ACTR8: variants seen among roughly 807,000 people sequenced by gnomAD.
ACTR8 encodes actin related protein 8.
In ACTR8, 70 loss-of-function variants were observed where a neutral mutation model predicts 84.3. The observed-to-expected ratio is 0.83, with a 90% CI of 0.68 to 1.01. The LOEUF (loss-of-function observed/expected upper bound fraction) is 1.01, where lower values mean the gene tolerates loss of function less well. Among genes scored for constraint, ACTR8 ranks in the 50% least tolerant of loss-of-function variants. The pLI, the probability that ACTR8 is intolerant of heterozygous loss-of-function variation, is 0.00. For synonymous variants in ACTR8, 268 were observed against 275.2 expected, an observed-to-expected ratio of 0.97 and a Z score of 0.26; for missense variants, 672 against 775.4, an observed-to-expected ratio of 0.87 and a Z score of 1.58.
chr3:53,876,230 G>A lies in ACTR8; in HGVS notation c.779-150C>T, dbSNP rs1699965950. 3 of 1,052,884 alleles carry A rather than the reference G, an allele frequency of 2.8e-6. No homozygotes were observed. The African/African-American group carries it at 4.9e-5, about 17-fold the overall frequency. 65.2% of individuals were successfully genotyped at this position (1,052,884 alleles called of 1,614,324 possible). A position where few individuals can be genotyped will look rare whatever the true frequency, so the allele number is the denominator to read the frequency against. On this transcript the variant is annotated intron_variant, in intron 6 of 12. Coordinates refer to ENST00000335754, the MANE Select transcript of ACTR8 (RefSeq NM_022899.5). ...CCTTTCAGAATAAGCATTTAAATAAGTCAGTAGGCCCGGCGCGGTGGCTCA... is the reference window on the plus strand; with the variant it reads ...CCTTTCAGAATAAGCATTTAAATAAATCAGTAGGCCCGGCGCGGTGGCTCA...
At chr3:53,865,571 C>T, downstream of ACTR8, 3 of 418,046 alleles carry the variant, frequency 7.2e-6, no homozygotes, top group Non-Finnish European at 1.3e-5. Context: ...TTTGATAATG[C>T]AACAATAAAG....
intron 12 of ACTR8, among the ~76,000 whole-genome samples, chr3:53,869,161 G>C (rs1699845562): frequency 6.6e-6 from 1 of 152,178 alleles, no homozygotes; most frequent in South Asian, 2.1e-4. Flanking sequence ...GGCACCTGTA[G>C]TCCCAGCTAC....
intron 10 of ACTR8, among the ~76,000 whole-genome samples, chr3:53,871,869 CTA>C (rs1229925052): frequency 6.6e-6 from 1 of 152,220 alleles, no homozygotes; most frequent in Non-Finnish European, 1.5e-5. Context: ...CTTTCAGATC[CTA>C]TGAGTCCACC....
At chr3:53,860,143 G>A in the ACTR8 span, 16 of 1,613,568 alleles carry the variant, frequency 9.9e-6, no homozygotes, top group Middle Eastern at 1.7e-4. Flanking sequence ...AAAGCAAGCC[G>A]GGAGGCTGGC....
rs573378558 is a variant in ACTR8, at chr3:53,876,777, C to T, written c.685-64G>A. On this transcript the variant is annotated intron_variant, in intron 5 of 12. Coordinates refer to ENST00000335754, the MANE Select transcript of ACTR8 (RefSeq NM_022899.5). Reference sequence around the variant, plus strand: ...GTCTAGTCAGGTCAAATTCACACTCCTTTTTAGAGAGACTTCCCTCCAAAG... The same window carrying T: ...GTCTAGTCAGGTCAAATTCACACTCTTTTTTAGAGAGACTTCCCTCCAAAG... The T allele has an allele frequency of 3.3e-5, 27 of 820,616 alleles. No individual in the cohort carries two copies. The African/African-American group carries it at 4.3e-4, about 13-fold the overall frequency. 50.8% of individuals were successfully genotyped at this position (820,616 alleles called of 1,614,324 possible).
At chr3:53,860,192 G>C in the ACTR8 span, 2 of 1,613,922 alleles carry the variant, frequency 1.2e-6, no homozygotes, top group Non-Finnish European at 1.7e-6. Context: ...GGCCACATGG[G>C]TGCTGGTGGC....
At chr3:53,874,143 G>A in intron 8 of ACTR8, 68 bp downstream of exon 8, 6 of 1,512,914 alleles carry the variant, frequency 4.0e-6, no homozygotes, top group Non-Finnish European at 5.3e-6. Flanking sequence ...ACATTTTTAA[G>A]TATCTTTTAA....
chr3:53,878,356 C>A lies in ACTR8; in HGVS notation c.405+1G>T. 6.3e-7 allele frequency: 1 copy of A among 1,596,698 alleles called. No individual in the cohort carries two copies. The highest frequency in any genetic ancestry group is 1.1e-5 in the South Asian group (1 of 90,262). ...GAATAAATCTGAAGAGTTAATCGAACCTGTTCAGGGGACACAGGAATGCGT... is the reference window on the plus strand; with the variant it reads ...GAATAAATCTGAAGAGTTAATCGAAACTGTTCAGGGGACACAGGAATGCGT... On this transcript the variant is annotated splice_donor_variant, in intron 3 of 12. Transcript: ENST00000335754. LOFTEE classifies it high-confidence loss of function.
chr3:53,878,391 T>C lies in ACTR8; in HGVS notation c.371A>G (p.Asn124Ser), dbSNP rs143290220. 6.9e-5 allele frequency: 111 copies of C among 1,613,356 alleles called. No individual in the cohort carries two copies. Among genetic ancestry groups the C allele is most frequent in the East Asian group, 3.1e-4 (14 of 44,882 alleles). The change falls in exon 3 of 13, where the codon AAT becomes AGT. Residue 124 changes from asparagine (N) to serine (S), a missense_variant. Transcript: ENST00000335754. ...DQAIWSKKMS[N>S]GTRRIPVSPE... ...GGACACAGGAATGCGTCTTGTACCATTGGACATCTTTTTAGACCATATTGC... is the reference window on the plus strand; with the variant it reads ...GGACACAGGAATGCGTCTTGTACCACTGGACATCTTTTTAGACCATATTGC...
chr3:53,877,620 T>C (rs1489671459), intron 4 of ACTR8, 27 bp downstream of exon 4: 1 of 1,595,364 alleles, frequency 6.3e-7, no homozygotes, highest in Admixed American at 1.7e-5. Context: ...TCCCCTTCTT[T>C]CATTCTATTG....
At chr3:53,876,749 C>G (rs747869417) in intron 5 of ACTR8, 36 bp from the exon 6 acceptor site, 5 of 1,161,450 alleles carry the variant, frequency 4.3e-6, no homozygotes, top group Non-Finnish European at 6.2e-6. Flanking sequence ...GGTTAGCACT[C>G]AAGTCTAGTC....
At chr3:53,871,577 A>G in intron 10 of ACTR8, 81 bp from the exon 11 acceptor site, 1 of 1,498,180 alleles carries the variant, frequency 6.7e-7, no homozygotes. Flanking sequence ...ATCCCTCCCT[A>G]CCCTACTACT....
chr3:53,862,833 AT>A (rs1699613576), downstream of ACTR8, among the ~76,000 whole-genome samples: 1 of 152,218 alleles, frequency 6.6e-6, no homozygotes, highest in Non-Finnish European at 1.5e-5. Context: ...TTGGTACCAT[AT>A]ACAAATATTT....
At chr3:53,861,827 A>G in the ACTR8 span, among the ~76,000 whole-genome samples, 1 of 152,208 alleles carries the variant, frequency 6.6e-6, no homozygotes, top group Non-Finnish European at 1.5e-5. Flanking sequence ...AGTGCAGATG[A>G]AAGTGTCCTC....
chr3:53,863,016 TGAC>T (rs369204806), downstream of ACTR8, among the ~76,000 whole-genome samples: 213 of 152,316 alleles, frequency 1.4e-3, 2 homozygotes, highest in African/African-American at 4.9e-3. Flanking sequence ...AACAAGATGA[TGAC>T]AAGAATAAAG....
At chr3:53,877,112 A>C in intron 5 of ACTR8, 102 bp downstream of exon 5, 1 of 1,166,100 alleles carries the variant, frequency 8.6e-7, no homozygotes, top group Non-Finnish European at 1.2e-6. Flanking sequence ...AAGGTCAAGA[A>C]TGTTTCAAGA....
chr3:53,864,500 A>G (rs919153997), downstream of ACTR8, among the ~76,000 whole-genome samples: 1 of 151,964 alleles, frequency 6.6e-6, no homozygotes, highest in Non-Finnish European at 1.5e-5. Context: ...ACGCCACTGC[A>G]CTCCAGCCTG....
intron 7 of ACTR8, among the ~76,000 whole-genome samples, chr3:53,875,310 G>A (rs1050120367): frequency 6.6e-6 from 1 of 152,202 alleles, no homozygotes; most frequent in Admixed American, 6.5e-5. Context: ...CTAATGTGGA[G>A]GACGGGAAGA....
In ACTR8 at chr3:53,873,120, GA is replaced by G. The variant is rs1407283688; in HGVS notation, c.1072del (p.Ser358LeufsTer24). 1 of 1,607,226 alleles carries G rather than the reference GA, an allele frequency of 6.2e-7. No homozygotes were observed. Among genetic ancestry groups the G allele is most frequent in the East Asian group, 2.2e-5 (1 of 44,808 alleles). On this transcript the variant is annotated frameshift_variant, in exon 9 of 13. Coordinates refer to ENST00000335754, the MANE Select transcript of ACTR8 (RefSeq NM_022899.5). LOFTEE classifies it high-confidence loss of function. Reference protein sequence around the residue: ...ETFCHLDQDISGLQDHEFQIR... With the variant: ...ETFCHLDQDIXGLQDHEFQIR... ...CTGAAACTCATGGTCCTGAAGCCCAGAGATGTCCTGATTCCAGGAAAAGATG... is the reference window on the plus strand; with the variant it reads ...CTGAAACTCATGGTCCTGAAGCCCAGGATGTCCTGATTCCAGGAAAAGATG...
Sources: allele counts gnomAD v4.1 joint callset (sites outside exome capture counted in the v4.1 genomes callset), GRCh38; gene constraint gnomAD v4.1.1; transcripts MANE v1.5; gene names NCBI Gene and HGNC (gene_info 2026-07-23, HGNC 2026-07-21).